The following PCDHGB1 variants were observed in gnomAD, a reference collection of about 807,000 sequenced individuals.
PCDHGB1 encodes the protein protocadherin gamma-B1.
Under a neutral mutation model 56.6 loss-of-function variants are expected in PCDHGB1, and 34 were observed. The observed-to-expected ratio is 0.60, with a 90% CI of 0.46 to 0.80. PCDHGB1 has a LOEUF of 0.80. PCDHGB1 is among the 30% of genes least tolerant of loss of function. PCDHGB1 has a pLI of 0.00. For synonymous variants in PCDHGB1, 561 were observed against 505.9 expected (o/e 1.11, Z -1.46); for missense variants, 1,278 against 1,204.6 (o/e 1.06, Z -0.90).
intron 1 of PCDHGB1, chr5:141,400,251 C>T (rs2093990443): frequency 6.2e-7 from 1 of 1,614,014 alleles, no homozygotes; most frequent in Non-Finnish European, 8.5e-7. Flanking sequence ...TGGCCGTTGC[C>T]TTGCGCCTGC....
chr5:141,423,273 G>C, intron 1 of PCDHGB1: 2 of 1,613,896 alleles, frequency 1.2e-6, no homozygotes, highest in Non-Finnish European at 1.7e-6. Flanking sequence ...TCGAGTCTCT[G>C]GCTAACTCTG....
chr5:141,365,760 A>G, intron 1 of PCDHGB1: 1 of 1,613,756 alleles, frequency 6.2e-7, no homozygotes, highest in Non-Finnish European at 8.5e-7. Context: ...GTGACAGCCC[A>G]TGACCCCGAC....
In PCDHGB1 at chr5:141,490,028, G is replaced by A. The variant is rs752883792; in HGVS notation, c.2410-4779G>A. ...GCACCCATTGGTACTCTGCTGCTCC[G>A]CCTCAATGCCACTGATCCAGACGAG... On this transcript the variant is annotated intron_variant, in intron 1 of 3. Coordinates refer to ENST00000523390, the MANE Select transcript of PCDHGB1 (RefSeq NM_018922.3). The surrounding 1 kb of genome is among the most constrained non-coding windows in gnomAD (Gnocchi z 5.4). 20 of 1,614,070 alleles carry A rather than the reference G, an allele frequency of 1.2e-5. 1 individual carries two copies. Among genetic ancestry groups the A allele is most frequent in the South Asian group, 3.3e-5 (3 of 91,090 alleles).
Position 141,490,896 on chromosome 5 carries a change from G to A in PCDHGB1, c.2410-3911G>A. 6.2e-7 allele frequency: 1 copy of A among 1,613,938 alleles called. No homozygotes were observed. Among genetic ancestry groups the A allele is most frequent in the Non-Finnish European group, 8.5e-7 (1 of 1,179,922 alleles). ...TGCATGCCAACACATCTCTGCATGTGTTTGTCCTAGACGAGAATGATAATG... is the reference window on the plus strand; with the variant it reads ...TGCATGCCAACACATCTCTGCATGTATTTGTCCTAGACGAGAATGATAATG... On this transcript the variant is annotated intron_variant, in intron 1 of 3. Coordinates refer to ENST00000523390, the MANE Select transcript of PCDHGB1 (RefSeq NM_018922.3). This position sits in a 1 kb window ranked among gnomAD's most constrained non-coding sequence, Gnocchi z 5.4.
chr5:141,486,409 C>G lies in PCDHGB1; in HGVS notation c.2410-8398C>G, dbSNP rs1396288134. On this transcript the variant is annotated intron_variant, in intron 1 of 3. Coordinates refer to ENST00000523390, the MANE Select transcript of PCDHGB1 (RefSeq NM_018922.3). The surrounding 1 kb of genome is among the most constrained non-coding windows in gnomAD (Gnocchi z 5.0). Reference sequence around the variant, plus strand: ...AGTTCTCCCTGGTGACTGCTGGACCCTTGGATCGAGAGGCCAAATCTAGCT... The same window carrying G: ...AGTTCTCCCTGGTGACTGCTGGACCGTTGGATCGAGAGGCCAAATCTAGCT... 6.2e-7 allele frequency: 1 copy of G among 1,614,170 alleles called. No individual in the cohort carries two copies. Among genetic ancestry groups the G allele is most frequent in the East Asian group, 2.2e-5 (1 of 44,874 alleles).
intron 1 of PCDHGB1, among the ~76,000 whole-genome samples, chr5:141,455,289 A>C (rs1592356100): frequency 6.6e-6 from 1 of 152,074 alleles, no homozygotes; most frequent in South Asian, 2.1e-4. Flanking sequence ...ATCACTTTAC[A>C]TAGTTTCATC....
chr5:141,466,494 G>C (rs1186331329), intron 1 of PCDHGB1, among the ~76,000 whole-genome samples: 4 of 152,134 alleles, frequency 2.6e-5, no homozygotes. Context: ...TCTTTAATTA[G>C]AGCACAGACA....
rs191184566 is a variant in PCDHGB1 at position 141,373,694 on chromosome 5, A to G, written c.2409+21025A>G. Among the ~76,000 whole-genome samples the G allele has an allele frequency of 1.4e-4, 21 of 152,388 alleles. No individual in the cohort carries two copies. The Middle Eastern group carries it at 0.014, about 99-fold the overall frequency. ...GAATGGTAAACTTCAGAGAACATTTAAAATTATTCAAAATAATCTCTTACA... is the reference window on the plus strand; with the variant it reads ...GAATGGTAAACTTCAGAGAACATTTGAAATTATTCAAAATAATCTCTTACA... On this transcript the variant is annotated intron_variant, in intron 1 of 3. Transcript: ENST00000523390.
At chr5:141,463,401 A>T (rs57406832) in intron 1 of PCDHGB1, among the ~76,000 whole-genome samples, 25,027 of 149,108 alleles carry the variant, frequency 0.17, 2,158 homozygotes, top group South Asian at 0.22. Context: ...GGCAAAAAAA[A>T]TGGAGATCCT....
chr5:141,439,364 G>A (rs1561894836), intron 1 of PCDHGB1, among the ~76,000 whole-genome samples: 2 of 152,142 alleles, frequency 1.3e-5, no homozygotes, highest in Admixed American at 1.3e-4. Context: ...CAAACATCAA[G>A]AAGAAATAAA....
intron 1 of PCDHGB1, among the ~76,000 whole-genome samples, chr5:141,472,313 A>G (rs1411876003): frequency 6.7e-6 from 1 of 150,164 alleles, no homozygotes; most frequent in East Asian, 2.0e-4. Context: ...AAGCCGAGGC[A>G]GGCAGATCAC....
At chr5:141,480,195 G>A (rs1350891459) in intron 1 of PCDHGB1, among the ~76,000 whole-genome samples, 1 of 151,182 alleles carries the variant, frequency 6.6e-6, no homozygotes, top group Non-Finnish European at 1.5e-5. Context: ...CTTGAGGCCA[G>A]CAGTTCAAGA....
At position 141,399,508 on chromosome 5, in the gene PCDHGB1, A is replaced by C. The variant is rs780948105; in HGVS notation, c.2409+46839A>C. ...CTACTTAGTCAGTGTACCCGAAAAC[A>C]ACCCTCCTGGGGCCTCCATCGCGCA... On this transcript the variant is annotated intron_variant, in intron 1 of 3. Coordinates refer to ENST00000523390, the MANE Select transcript of PCDHGB1 (RefSeq NM_018922.3). 3.2e-5 allele frequency: 51 copies of C among 1,613,904 alleles called. No homozygotes were observed. In the African/African-American group the frequency reaches 6.7e-4, roughly 21 times the overall value.
rs1758946839 is a variant in PCDHGB1 at position 141,352,203 on chromosome 5, C to T, written c.1943C>T (p.Pro648Leu). Residue 648 changes from proline (P) to leucine (L), a missense_variant, in exon 1 of 4, where the codon CCG becomes CTG. Transcript: ENST00000523390. ...GTCGCTGTGCGTGATGGAGGACAGC[C>T]GCCACTCTCCGCCACCGCCACGCTG... ...LLVAVRDGGQPPLSATATLHL... is the reference protein window; with the variant it reads ...LLVAVRDGGQLPLSATATLHL... The T allele has an allele frequency of 6.2e-7, 1 of 1,614,014 alleles. No homozygotes were observed. The highest frequency in any genetic ancestry group is 8.5e-7 in the Non-Finnish European group (1 of 1,179,902).
At chr5:141,356,535 C>G (rs777731122) in intron 1 of PCDHGB1, 1 of 1,614,054 alleles carries the variant, frequency 6.2e-7, no homozygotes, top group Non-Finnish European at 8.5e-7. Flanking sequence ...TGATGGACAT[C>G]AATGACAACC....
At chr5:141,460,087 A>T (rs2098981724) in intron 1 of PCDHGB1, among the ~76,000 whole-genome samples, 1 of 152,008 alleles carries the variant, frequency 6.6e-6, no homozygotes, top group African/African-American at 2.4e-5. Flanking sequence ...AAAAAATAAT[A>T]ATTATACATG....
intron 1 of PCDHGB1, chr5:141,372,120 G>A (rs1169863583): frequency 3.1e-6 from 5 of 1,613,776 alleles, no homozygotes; most frequent in African/African-American, 1.3e-5. Flanking sequence ...TGCGCTCTTC[G>A]ATATGGTGCC....
At chr5:141,426,858 T>C (rs898486771) in intron 1 of PCDHGB1, 1 of 456,574 alleles carries the variant, frequency 2.2e-6, no homozygotes, top group Non-Finnish European at 4.4e-6. Context: ...CGCTCCAGAA[T>C]TAGTGCTGGA....
rs775247725 is a variant in PCDHGB1, at chr5:141,393,523, A to T, written c.2409+40854A>T. The T allele has an allele frequency of 2.0e-5, 33 of 1,613,900 alleles. No individual in the cohort carries two copies. Among genetic ancestry groups the T allele is most frequent in the Middle Eastern group, 1.6e-4 (1 of 6,084 alleles). ...CACGTGACAGTGTTGGATACAAATG[A>T]CAATGCCCCGGTTTTTCCTCACCCG... is the stretch of plus-strand genomic sequence containing the variant. On this transcript the variant is annotated intron_variant, in intron 1 of 3. Transcript: ENST00000523390.
Sources: allele counts gnomAD v4.1 joint callset (sites outside exome capture counted in the v4.1 genomes callset), GRCh38; gene constraint gnomAD v4.1.1; non-coding constraint Gnocchi (gnomAD v3.1); transcripts MANE v1.5; gene names NCBI Gene and HGNC (gene_info 2026-07-23, HGNC 2026-07-21).